NPAS1: variants seen among roughly 807,000 people sequenced by gnomAD.
NPAS1 encodes the protein neuronal PAS domain-containing protein 1.
A neutral mutation model predicts 49.2 loss-of-function variants in NPAS1; 29 were observed. That is an observed-to-expected ratio of 0.59 (90% CI 0.44 to 0.80). The LOEUF (loss-of-function observed/expected upper bound fraction) is 0.80, where lower values mean the gene tolerates loss of function less well. Ranked by LOEUF, NPAS1 falls within the 30% of genes least tolerant of loss-of-function variation. NPAS1 has a pLI of 0.00. For missense variants in NPAS1, 825 were observed against 835.5 expected (o/e 0.99, Z 0.15); for synonymous variants, 408 against 380.4 (o/e 1.07, Z -0.84).
intron 6 of NPAS1, 101 bp from the exon 7 acceptor site, chr19:47,038,935 C>A: frequency 1.0e-6 from 1 of 978,944 alleles, no homozygotes; most frequent in Non-Finnish European, 1.6e-6. Flanking sequence ...CGTGGCCCAG[C>A]GGACATCTTG....
chr19:47,022,760 C>T (rs1157995192), intron 3 of NPAS1, among the ~76,000 whole-genome samples: 1 of 152,092 alleles, frequency 6.6e-6, no homozygotes, highest in African/African-American at 2.4e-5. Flanking sequence ...AAGAAATAGG[C>T]AAAGCAATAT....
intron 11 of NPAS1, among the ~76,000 whole-genome samples, chr19:47,043,759 A>AAAAAT (rs60634489): frequency 0.017 from 2,569 of 151,718 alleles, 55 homozygotes; most frequent in African/African-American, 0.06. Flanking sequence ...TCCATCTCAA[A>AAAAAT]AAAATAAAAT....
chr19:47,045,046 C>T, intron 11 of NPAS1, 145 bp from the exon 12 acceptor site: 1 of 842,968 alleles, frequency 1.2e-6, no homozygotes, highest in East Asian at 2.8e-5. Flanking sequence ...AAACAAAAAA[C>T]AAAAACAAAA....
chr19:47,021,783 C>T lies in NPAS1; in HGVS notation c.294C>T (p.Arg98=). 1.3e-6 allele frequency: 2 copies of T among 1,533,122 alleles called. No individual in the cohort carries two copies. The highest frequency in any genetic ancestry group is 1.8e-6 in the Non-Finnish European group (2 of 1,140,774). 95.0% of individuals were successfully genotyped at this position (1,533,122 alleles called of 1,614,324 possible). The change falls in exon 3 of 12, where the codon CGC becomes CGT. Residue 98 remains arginine (R), a synonymous_variant. Coordinates refer to ENST00000602212, the MANE Select transcript of NPAS1 (RefSeq NM_002517.4). The surrounding 1 kb of genome is among the most constrained non-coding windows in gnomAD (Gnocchi z 5.7). ...VRLSVTYLRL[R]RFAALGAPPW... Reference sequence around the variant, plus strand: ...TCAGCGTCACCTACCTCCGCCTGCGCCGGTTCGCCGCGCTGGGGGCGCCGC... The same window carrying T: ...TCAGCGTCACCTACCTCCGCCTGCGTCGGTTCGCCGCGCTGGGGGCGCCGC...
At chr19:47,045,121 G>C in intron 11 of NPAS1, 70 bp from the exon 12 acceptor site, 1 of 1,468,710 alleles carries the variant, frequency 6.8e-7, no homozygotes, top group South Asian at 1.2e-5. Flanking sequence ...ACTAAGCACA[G>C]CTCCATTCCA....
At chr19:47,020,657 C>G (rs2056833107) in intron 1 of NPAS1, among the ~76,000 whole-genome samples, 2 of 151,836 alleles carry the variant, frequency 1.3e-5, no homozygotes, top group African/African-American at 4.8e-5. Context: ...AGGCGCCCGC[C>G]CCCCGCCCGG....
chr19:47,039,489 C>T lies in NPAS1; in HGVS notation c.887C>T (p.Ala296Val). The T allele has an allele frequency of 6.2e-7, 1 of 1,611,060 alleles. No individual in the cohort carries two copies. ...CACACGTTGCCCCCGGCCCCCCTGGCTGAGCTGCCACTCCATGGACACATG... is the reference window on the plus strand; with the variant it reads ...CACACGTTGCCCCCGGCCCCCCTGGTTGAGCTGCCACTCCATGGACACATG... ...LGHTLPPAPLAELPLHGHMIV... is the reference protein window; with the variant it reads ...LGHTLPPAPLVELPLHGHMIV... The change falls in exon 8 of 12, where the codon GCT (alanine) becomes GTT (valine). Residue 296 changes from alanine (A) to valine (V), a missense_variant. Physicochemically the swap from Ala to Val is moderately conservative, Grantham distance 64 (BLOSUM62 0). Transcript: ENST00000602212.
chr19:47,026,273 G>T (rs1328734641), intron 3 of NPAS1, among the ~76,000 whole-genome samples: 1 of 152,220 alleles, frequency 6.6e-6, no homozygotes, highest in African/African-American at 2.4e-5. Context: ...CTCCAAGGAG[G>T]TGTGGGAGCA....
At position 47,039,422 on chromosome 19, in the gene NPAS1, G is replaced by A; in HGVS notation, c.820G>A (p.Gly274Arg). ...CCACCAGCAGGTCATCCACGTGACTGGGCGCCTTCGGGCCCACGCCCTGGG... is the reference window on the plus strand; with the variant it reads ...CCACCAGCAGGTCATCCACGTGACTAGGCGCCTTCGGGCCCACGCCCTGGG... ...ASGYKVIHVT[G>R]RLRAHALGLV... Residue 274 changes from glycine (G) to arginine (R), a missense_variant, in exon 8 of 12, where the codon GGG becomes AGG. Gly to Arg is a moderately radical substitution (Grantham distance 125). Transcript: ENST00000602212. The A allele has an allele frequency of 6.2e-7, 1 of 1,611,826 alleles. No individual in the cohort carries two copies. The highest frequency in any genetic ancestry group is 2.2e-5 in the East Asian group (1 of 44,876).
intron 11 of NPAS1, among the ~76,000 whole-genome samples, chr19:47,044,308 A>G (rs562898431): frequency 1.6e-4 from 24 of 152,252 alleles, no homozygotes; most frequent in African/African-American, 5.8e-4. Flanking sequence ...CCTGACCTCA[A>G]GTGATTCTCC....
intron 3 of NPAS1, among the ~76,000 whole-genome samples, chr19:47,031,689 C>T (rs567972074): frequency 1.4e-4 from 21 of 151,902 alleles, no homozygotes; most frequent in Non-Finnish European, 1.6e-4. Flanking sequence ...CACCTCCACA[C>T]CCGGCTAATT....
In NPAS1 at chr19:47,040,470, C is replaced by T; in HGVS notation, c.989C>T (p.Pro330Leu). ...SRVSDHMDLG[P>L]SELVGRSCYQ... ...GTCAGCGACCACATGGACCTGGGGC[C>T]CTCAGAGCTGGTGGGCCGCAGCTGC... is the stretch of plus-strand genomic sequence containing the variant. Residue 330 changes from proline to leucine, a missense_variant, in exon 9 of 12, where the codon CCC (proline) becomes CTC (leucine). Pro to Leu is a moderately conservative substitution (Grantham distance 98). Transcript: ENST00000602212. 6.2e-7 allele frequency: 1 copy of T among 1,602,964 alleles called. No individual in the cohort carries two copies. The highest frequency in any genetic ancestry group is 8.5e-7 in the Non-Finnish European group (1 of 1,175,306).
At chr19:47,027,483 CT>C (rs1402564900) in intron 3 of NPAS1, among the ~76,000 whole-genome samples, 5 of 99,600 alleles carry the variant, frequency 5.0e-5, no homozygotes, top group African/African-American at 2.1e-4. Context: ...TGCCCCTGGT[CT>C]CCCGTCTCTC....
chr19:47,032,181 T>C (rs2056910146), intron 3 of NPAS1, 97 bp from the exon 4 acceptor site: 1 of 1,111,128 alleles, frequency 9.0e-7, no homozygotes, highest in African/African-American at 1.5e-5. Context: ...CTACAAGCCT[T>C]AGGGGAAGAG....
intron 3 of NPAS1, among the ~76,000 whole-genome samples, chr19:47,023,629 C>T (rs955546447): frequency 3.9e-5 from 6 of 152,150 alleles, no homozygotes; most frequent in East Asian, 1.9e-4. Flanking sequence ...GTCAGTCACA[C>T]TCTCTGAAGG....
In NPAS1 at chr19:47,032,744, C is replaced by T; in HGVS notation, c.522+12C>T. 1 of 1,596,314 alleles carries T rather than the reference C, an allele frequency of 6.3e-7. No individual in the cohort carries two copies. The highest frequency in any genetic ancestry group is 8.6e-7 in the Non-Finnish European group (1 of 1,163,928). On this transcript the variant is annotated intron_variant, in intron 5 of 11. Transcript: ENST00000602212. ...TGGGTCTCTCACAGGTAAGGGACCC[C>T]CAGTGGACCTGGATTGGCTCAGCCA...
chr19:47,022,223 C>A (rs1454313204), intron 3 of NPAS1, among the ~76,000 whole-genome samples: 2 of 152,146 alleles, frequency 1.3e-5, no homozygotes, highest in African/African-American at 2.4e-5. Flanking sequence ...CGCTAATGGG[C>A]GAGATACCCT....
chr19:47,020,281 G>A (rs1181937620), intron 1 of NPAS1, among the ~76,000 whole-genome samples: 1 of 152,022 alleles, frequency 6.6e-6, no homozygotes, highest in African/African-American at 2.4e-5. Context: ...AGACCTAACT[G>A]AAAACGTTAG....
At chr19:47,030,060 G>T (rs1472837002) in intron 3 of NPAS1, among the ~76,000 whole-genome samples, 1 of 152,148 alleles carries the variant, frequency 6.6e-6, no homozygotes, top group Non-Finnish European at 1.5e-5. Context: ...GTCTCGCTCT[G>T]TCACCCAGGA....
Sources: allele counts gnomAD v4.1 joint callset (sites outside exome capture counted in the v4.1 genomes callset), GRCh38; gene constraint gnomAD v4.1.1; non-coding constraint Gnocchi (gnomAD v3.1); transcripts MANE v1.5; gene names NCBI Gene and HGNC (gene_info 2026-07-23, HGNC 2026-07-21).